ALPK2: variants seen among roughly 807,000 people sequenced by gnomAD.
ALPK2 encodes alpha kinase 2.
ALPK2 carries 127 observed loss-of-function variants against 163.1 expected under a neutral mutation model. The ratio of observed to expected loss-of-function variants is 0.78; its 90% confidence interval spans 0.67 to 0.90. The LOEUF (loss-of-function observed/expected upper bound fraction) is 0.90, where lower values mean the gene tolerates loss of function less well. Among genes scored for constraint, ALPK2 ranks in the 40% least tolerant of loss-of-function variants. The probability of loss-of-function intolerance (pLI) is 0.00; values close to 1 mark genes in which losing one functional copy is unlikely to be tolerated. For missense variants in ALPK2, 2,360 were observed against 2,589.6 expected (o/e 0.91, Z 1.92); for synonymous variants, 953 against 959.1 (o/e 0.99, Z 0.12).
In ALPK2 at chr18:58,538,036, T is replaced by C; in HGVS notation, c.2151A>G (p.Pro717=). The change falls in exon 5 of 13, where the codon CCA becomes CCG. Residue 717 remains proline, a synonymous_variant. Transcript: ENST00000361673. ...CTCTGTCTTGTTTTTCTTCATGCTG[T>C]GGACCACAGGTACAGGGTTTGACCT... The part of the protein sequence containing the change: ...HSEVKPCTCG[P]QHEEKQDRDG... 1 of 1,614,198 alleles carries C rather than the reference T, an allele frequency of 6.2e-7. No individual in the cohort carries two copies. Among genetic ancestry groups the C allele is most frequent in the Admixed American group, 1.7e-5 (1 of 60,032 alleles).
rs760708751 is a variant in ALPK2, at chr18:58,622,022, T to TAA, written c.-21+6740_-21+6741dup. ...AGTTTCCAATCTTTATGAGAGGGCT[T>TAA]AAAAAAAAAAAAAAAGCTCAAGGTT... On this transcript the variant is annotated intron_variant, in intron 1 of 12. Coordinates refer to ENST00000361673, the MANE Select transcript of ALPK2 (RefSeq NM_052947.4). Among the ~76,000 whole-genome samples, 88 of 134,088 alleles carry TAA rather than the reference T, an allele frequency of 6.6e-4. No individual in the cohort carries two copies. In the Middle Eastern group the frequency reaches 0.011, roughly 17 times the overall value. The allele number at this position is 134,088 out of a possible 152,430, so 88.0% of individuals were successfully genotyped here.
At chr18:58,514,939 TCCTAGTC>T in intron 10 of ALPK2, 47 bp downstream of exon 10, 2 of 1,432,658 alleles carry the variant, frequency 1.4e-6, no homozygotes, top group Non-Finnish European at 1.9e-6. Context: ...CTCTCGTCCC[TCCTAGTC>T]CCCAACGAGT....
At chr18:58,488,272 C>G (rs2144097247) in intron 12 of ALPK2, among the ~76,000 whole-genome samples, 1 of 145,280 alleles carries the variant, frequency 6.9e-6, no homozygotes, top group South Asian at 2.4e-4. Context: ...ACAGTCCTGC[C>G]CTCACTCAAC....
chr18:58,592,051 G>A (rs1050616499), intron 3 of ALPK2, among the ~76,000 whole-genome samples: 1 of 152,196 alleles, frequency 6.6e-6, no homozygotes, highest in Non-Finnish European at 1.5e-5. Context: ...AATTCTGTAA[G>A]ACGCTAACTG....
intron 1 of ALPK2, among the ~76,000 whole-genome samples, chr18:58,617,916 A>G (rs2052178582): frequency 6.6e-6 from 1 of 152,188 alleles, no homozygotes; most frequent in African/African-American, 2.4e-5. Flanking sequence ...TTGATGTATA[A>G]CTTGGCTGGA....
At chr18:58,609,594 G>A (rs986995509) in intron 2 of ALPK2, among the ~76,000 whole-genome samples, 8 of 152,142 alleles carry the variant, frequency 5.3e-5, no homozygotes, top group African/African-American at 1.9e-4. Context: ...GTTTCCTAAT[G>A]GCTGACTGTT....
At chr18:58,516,882 G>A (rs767404864) in intron 9 of ALPK2, 26 bp downstream of exon 9, 3 of 1,603,730 alleles carry the variant, frequency 1.9e-6, no homozygotes, top group East Asian at 2.2e-5. Flanking sequence ...CACCAGAAGT[G>A]ACAGCCTTTG....
intron 5 of ALPK2, among the ~76,000 whole-genome samples, chr18:58,532,448 C>G (rs1448653631): frequency 6.6e-6 from 1 of 152,232 alleles, no homozygotes; most frequent in Non-Finnish European, 1.5e-5. Context: ...TACCTGCTGA[C>G]TCAAGGGTAA....
intron 10 of ALPK2, chr18:58,511,987 T>C (rs2093585190): frequency 6.6e-6 from 1 of 152,262 alleles, no homozygotes; most frequent in African/African-American, 2.4e-5. Flanking sequence ...TAGAACCTCT[T>C]TGTGTCTTGT....
At position 58,537,946 on chromosome 18, in the gene ALPK2, A is replaced by G; in HGVS notation, c.2241T>C (p.Asn747=). 1 of 1,614,134 alleles carries G rather than the reference A, an allele frequency of 6.2e-7. No individual in the cohort carries two copies. Among genetic ancestry groups the G allele is most frequent in the Non-Finnish European group, 8.5e-7 (1 of 1,180,010 alleles). ...LKYEQSISEA[N]DETMSPGVFS... ...ACACACCTGGGGACATAGTCTCATC[A>G]TTGGCTTCTGAGATGCTCTGCTCAT... The change falls in exon 5 of 13, where the codon AAT becomes AAC. Residue 747 remains asparagine, a synonymous_variant. Coordinates refer to ENST00000361673, the MANE Select transcript of ALPK2 (RefSeq NM_052947.4).
At chr18:58,489,273 G>A (rs4530220) in intron 12 of ALPK2, among the ~76,000 whole-genome samples, 151,956 of 152,318 alleles carry the variant, frequency 1, 75,799 homozygotes, top group Non-Finnish European at 1. Flanking sequence ...TTTCAAAGCC[G>A]TGCCGTGCCA....
chr18:58,597,117 G>T lies in ALPK2; in HGVS notation c.227+10205C>A, dbSNP rs146256824. On this transcript the variant is annotated intron_variant, in intron 3 of 12. Transcript: ENST00000361673. ...AGCCTGGGCAACATGGTGAAACCCC[G>T]TCTCTACTAAAATACAAAAAAATTT... is the stretch of plus-strand genomic sequence containing the variant. 5.2e-3 allele frequency among the ~76,000 whole-genome samples: 787 copies of T among 152,212 alleles called. 6 individuals carry two copies. Among genetic ancestry groups the T allele is most frequent in the African/African-American group, 0.017 (723 of 41,512 alleles).
At chr18:58,593,263 C>T (rs982758981) in intron 3 of ALPK2, among the ~76,000 whole-genome samples, 1 of 152,058 alleles carries the variant, frequency 6.6e-6, no homozygotes, top group Non-Finnish European at 1.5e-5. Context: ...AAATTAAAGT[C>T]TATTTAAAAA....
intron 3 of ALPK2, among the ~76,000 whole-genome samples, chr18:58,591,400 A>G (rs868265011): frequency 6.6e-6 from 1 of 152,188 alleles, no homozygotes; most frequent in Non-Finnish European, 1.5e-5. Context: ...AAAGATGTGA[A>G]ATTCCTAGGC....
intron 4 of ALPK2, chr18:58,544,561 C>T (rs976060607): frequency 3.9e-5 from 6 of 152,194 alleles, no homozygotes; most frequent in African/African-American, 1.4e-4. Context: ...GATAACAATT[C>T]TTGACAAGTT....
intron 1 of ALPK2, among the ~76,000 whole-genome samples, chr18:58,627,975 T>G (rs2052240465): frequency 6.6e-6 from 1 of 152,208 alleles, no homozygotes; most frequent in Non-Finnish European, 1.5e-5. Context: ...AGAAAATAAT[T>G]AGAGCAGAAG....
At chr18:58,522,977 T>C (rs8083886) in intron 8 of ALPK2, among the ~76,000 whole-genome samples, 99,712 of 148,882 alleles carry the variant, frequency 0.67, 33,783 homozygotes, top group Middle Eastern at 0.76. Context: ...GTTAGTTACA[T>C]ATGTATACAT....
In ALPK2 at chr18:58,537,062, C is replaced by T. The variant is rs181160338; in HGVS notation, c.3125G>A (p.Arg1042His). Residue 1042 changes from arginine (R) to histidine (H), a missense_variant, in exon 5 of 13, where the codon CGT becomes CAT. By Grantham distance (29) the Arg-to-His change is conservative. Transcript: ENST00000361673. The stretch of plus-strand genomic sequence containing the variant: ...TTGGGAAACCTTTTCATGGGATGCA[C>T]GAGGGAACCTCTCCTCAGTGCCACC... ...HAGGTEERFP[R>H]ASHEKVSQFP... The T allele has an allele frequency of 5.3e-5, 86 of 1,614,162 alleles. 1 individual carries two copies. Among genetic ancestry groups the T allele is most frequent in the South Asian group, 1.9e-4 (17 of 91,076 alleles).
chr18:58,625,990 T>C (rs1568104964), intron 1 of ALPK2, among the ~76,000 whole-genome samples: 1 of 152,266 alleles, frequency 6.6e-6, no homozygotes, highest in Non-Finnish European at 1.5e-5. Flanking sequence ...TCTTTCGTTT[T>C]CGCCAACCCT....
Sources: allele counts gnomAD v4.1 joint callset (sites outside exome capture counted in the v4.1 genomes callset), GRCh38; gene constraint gnomAD v4.1.1; transcripts MANE v1.5; gene names NCBI Gene and HGNC (gene_info 2026-07-23, HGNC 2026-07-21).